Variants in PPARG observed in about 807,000 individuals in gnomAD.
The protein encoded by PPARG is peroxisome proliferator-activated receptor gamma.
In PPARG, 17 loss-of-function variants were observed where a neutral mutation model predicts 39.2. The observed-to-expected ratio is 0.43, with a 90% confidence interval of 0.30 to 0.65. The LOEUF (loss-of-function observed/expected upper bound fraction) is 0.65. Ranked by LOEUF, PPARG falls within the 30% of genes least tolerant of loss-of-function variation. PPARG has a pLI of 0.13. For missense variants in PPARG, 406 were observed against 585.9 expected (o/e 0.69, Z 3.17); for synonymous variants, 223 against 215.7 (o/e 1.03, Z -0.30).
intron 1 of PPARG, among the ~76,000 whole-genome samples, chr3:12,298,945 C>T (rs1240233990): frequency 6.6e-6 from 1 of 152,114 alleles, no homozygotes; most frequent in Non-Finnish European, 1.5e-5. Context: ...AAGTGATCCT[C>T]CCACCTCAGC....
intron 2 of PPARG, chr3:12,371,779 T>C: frequency 1.7e-6 from 1 of 585,454 alleles, no homozygotes; most frequent in Non-Finnish European, 3.2e-6. Flanking sequence ...CCTGAGCAGG[T>C]CACTTTGCCT....
chr3:12,340,999 A>G (rs2048166817), intron 2 of PPARG, among the ~76,000 whole-genome samples: 1 of 152,184 alleles, frequency 6.6e-6, no homozygotes, highest in Non-Finnish European at 1.5e-5. Context: ...TCTGGCCAAT[A>G]TGGTGAAACC....
At chr3:12,341,154 G>C (rs1017427466) in intron 2 of PPARG, among the ~76,000 whole-genome samples, 2 of 150,244 alleles carry the variant, frequency 1.3e-5, no homozygotes, top group African/African-American at 4.9e-5. Flanking sequence ...CTGCACTCCA[G>C]CCTGGGCAAC....
chr3:12,432,174 G>A (rs370156868), intron 7 of PPARG, among the ~76,000 whole-genome samples: 48 of 152,294 alleles, frequency 3.2e-4, no homozygotes, highest in East Asian at 1.5e-3. Flanking sequence ...TCATTACTGC[G>A]TTGACACAGA....
At chr3:12,300,446 A>G (rs951818929) in intron 1 of PPARG, among the ~76,000 whole-genome samples, 1 of 152,152 alleles carries the variant, frequency 6.6e-6, no homozygotes, top group Non-Finnish European at 1.5e-5. Flanking sequence ...CTGCTGTATG[A>G]TCTTTGATCC....
At chr3:12,397,504 G>A (rs899912148) in intron 5 of PPARG, among the ~76,000 whole-genome samples, 1 of 150,936 alleles carries the variant, frequency 6.6e-6, no homozygotes, top group South Asian at 2.1e-4. Context: ...TCCACCTCCC[G>A]GATTCACACC....
intron 2 of PPARG, among the ~76,000 whole-genome samples, chr3:12,354,002 T>A (rs1202437388): frequency 1.3e-5 from 2 of 152,192 alleles, no homozygotes; most frequent in East Asian, 3.9e-4. Context: ...GATTGAGCAA[T>A]GGAAATATGC....
At chr3:12,361,290 T>G (rs1345992570) in intron 2 of PPARG, among the ~76,000 whole-genome samples, 1 of 152,230 alleles carries the variant, frequency 6.6e-6, no homozygotes, top group East Asian at 1.9e-4. Flanking sequence ...GTCAGATACA[T>G]GTATTGTAAA....
chr3:12,295,087 A>G (rs753375340), intron 1 of PPARG, among the ~76,000 whole-genome samples: 53 of 152,138 alleles, frequency 3.5e-4, no homozygotes, highest in Non-Finnish European at 6.6e-4. Context: ...GACTAATCAC[A>G]TTGCTTACTC....
chr3:12,371,886 TC>T (rs2049228562), intron 2 of PPARG: 3 of 704,050 alleles, frequency 4.3e-6, no homozygotes, highest in African/African-American at 3.5e-5. Flanking sequence ...GATGTCGCTG[TC>T]ATGATGGGAG....
At chr3:12,322,913 C>G in intron 2 of PPARG, among the ~76,000 whole-genome samples, 1 of 152,048 alleles carries the variant, frequency 6.6e-6, no homozygotes, top group Non-Finnish European at 1.5e-5. Flanking sequence ...GTGATCCTCC[C>G]ACCTCAGCCT....
intron 4 of PPARG, among the ~76,000 whole-genome samples, chr3:12,389,667 G>C (rs1003230000): frequency 3.9e-5 from 6 of 152,108 alleles, no homozygotes; most frequent in African/African-American, 1.4e-4. Flanking sequence ...AAGGTGGGTG[G>C]ATCACTTGAG....
intron 2 of PPARG, among the ~76,000 whole-genome samples, chr3:12,367,095 A>G (rs1025265589): frequency 5.9e-5 from 9 of 152,026 alleles, no homozygotes; most frequent in Admixed American, 2.0e-4. Context: ...CCATTTCTCT[A>G]TTTCATCTTG....
chr3:12,324,249 A>G (rs1004696091), intron 2 of PPARG, among the ~76,000 whole-genome samples: 5 of 152,094 alleles, frequency 3.3e-5, no homozygotes, highest in African/African-American at 1.2e-4. Flanking sequence ...ACTGCACTCC[A>G]GGCTGGGCAA....
intron 2 of PPARG, among the ~76,000 whole-genome samples, chr3:12,326,663 T>G (rs2047702357): frequency 6.6e-6 from 1 of 152,184 alleles, no homozygotes; most frequent in African/African-American, 2.4e-5. Flanking sequence ...AAGCTTCAAG[T>G]TCATAGATTA....
chr3:12,343,486 T>G lies in PPARG; in HGVS notation c.-9+31033T>G, dbSNP rs184795168. Among the ~76,000 whole-genome samples the G allele has an allele frequency of 3.3e-5, 5 of 152,194 alleles. No individual in the cohort carries two copies. The South Asian group carries it at 1.0e-3, about 32-fold the overall frequency. ...TATGTGATCTCAAAACTCAATTTCT[T>G]TATCTGTAAAATGGTGATAATAAAT... On this transcript the variant is annotated intron_variant, in intron 2 of 7. Transcript: ENST00000651735.
At chr3:12,376,450 A>C (rs990113513) in intron 2 of PPARG, among the ~76,000 whole-genome samples, 1 of 152,214 alleles carries the variant, frequency 6.6e-6, no homozygotes, top group Non-Finnish European at 1.5e-5. Flanking sequence ...CAAGAGGCCC[A>C]TGCACAGATA....
chr3:12,431,837 G>T (rs2051671589), intron 7 of PPARG, among the ~76,000 whole-genome samples: 1 of 152,106 alleles, frequency 6.6e-6, no homozygotes, highest in Non-Finnish European at 1.5e-5. Context: ...CTACTTGGGA[G>T]GCTAAAGCAG....
At chr3:12,401,264 A>G (rs1305384888) in intron 5 of PPARG, among the ~76,000 whole-genome samples, 1 of 152,178 alleles carries the variant, frequency 6.6e-6, no homozygotes, top group Non-Finnish European at 1.5e-5. Flanking sequence ...AAAAAACACC[A>G]TCTCACAAAC....
Sources: allele counts gnomAD v4.1 joint callset (sites outside exome capture counted in the v4.1 genomes callset), GRCh38; gene constraint gnomAD v4.1.1; transcripts MANE v1.5; gene names NCBI Gene and HGNC (gene_info 2026-07-23, HGNC 2026-07-21).